The following CSMD1 variants were observed in gnomAD, a reference collection of about 807,000 sequenced individuals.
CSMD1 encodes the protein CUB and Sushi multiple domains 1.
CSMD1 carries 213 observed loss-of-function variants against 417.5 expected under a neutral mutation model. The ratio of observed to expected loss-of-function variants is 0.51; its 90% CI spans 0.46 to 0.57. The LOEUF (loss-of-function observed/expected upper bound fraction) is 0.57. Ranked by LOEUF, CSMD1 falls within the 20% of genes least tolerant of loss-of-function variation. The pLI is 0.00. For synonymous variants in CSMD1, 2,862 were observed against 1,736.8 expected (o/e 1.65, Z -16.11); for missense variants, 6,923 against 4,529.7 (o/e 1.53, Z -15.17).
At chr8:4,977,147 G>A (rs1810607500) in intron 1 of CSMD1, among the ~76,000 whole-genome samples, 1 of 152,182 alleles carries the variant, frequency 6.6e-6, no homozygotes, top group East Asian at 1.9e-4. Flanking sequence ...CTATAGTAAT[G>A]ATCATTTGTT....
intron 47 of CSMD1, 33 bp downstream of exon 47, chr8:3,096,816 G>C (rs1167602617): frequency 2.2e-6 from 3 of 1,345,702 alleles, no homozygotes; most frequent in Non-Finnish European, 3.1e-6. Context: ...ATGATGCCGA[G>C]GTCACTGCTC....
intron 6 of CSMD1, among the ~76,000 whole-genome samples, chr8:3,720,119 A>C (rs1374121474): frequency 6.6e-6 from 1 of 152,216 alleles, no homozygotes; most frequent in Non-Finnish European, 1.5e-5. Context: ...GTGGAATGTT[A>C]ATGCAACTCT....
chr8:3,637,455 G>T (rs935553782), intron 7 of CSMD1, among the ~76,000 whole-genome samples: 1 of 151,986 alleles, frequency 6.6e-6, no homozygotes, highest in Non-Finnish European at 1.5e-5. Context: ...ATTTGATAAG[G>T]TAATATGACC....
chr8:3,789,403 A>G (rs201060626), intron 5 of CSMD1, among the ~76,000 whole-genome samples: 1 of 22,040 alleles, frequency 4.5e-5, no homozygotes, highest in African/African-American at 9.8e-5. Context: ...TTTTTTTTTA[A>G]GTAAGTTTTT....
rs146228653 is a variant in CSMD1 at position 3,599,711 on chromosome 8, C to A, written c.1098-13451G>T. On this transcript the variant is annotated intron_variant, in intron 8 of 69. Coordinates refer to ENST00000635120, the MANE Select transcript of CSMD1 (RefSeq NM_033225.6). ...TTTTCCTTTGAGTATCTGCTGCATG[C>A]CCAGATTGGCGCCAACCTATACCTT... Among the ~76,000 whole-genome samples, 313 of 152,330 alleles carry A rather than the reference C, an allele frequency of 2.1e-3. 1 individual carries two copies. The highest frequency in any genetic ancestry group is 7.2e-3 in the African/African-American group (301 of 41,568).
intron 3 of CSMD1, among the ~76,000 whole-genome samples, chr8:4,261,277 C>T (rs1302729104): frequency 6.6e-6 from 1 of 152,080 alleles, no homozygotes; most frequent in South Asian, 2.1e-4. Context: ...CTTCTCTTTC[C>T]TTTTTGTTTC....
chr8:4,166,174 C>T (rs1167751890), intron 3 of CSMD1, among the ~76,000 whole-genome samples: 1 of 152,128 alleles, frequency 6.6e-6, no homozygotes, highest in African/African-American at 2.4e-5. Context: ...TAGTAGTCTA[C>T]TTGAAAAGCA....
chr8:4,298,673 A>AT (rs1414231678), intron 3 of CSMD1, among the ~76,000 whole-genome samples: 4 of 152,106 alleles, frequency 2.6e-5, no homozygotes, highest in Non-Finnish European at 4.4e-5. Flanking sequence ...AAGTTATTTC[A>AT]TTTTCATTTA....
intron 54 of CSMD1, among the ~76,000 whole-genome samples, chr8:2,995,305 G>A (rs115347372): frequency 0.022 from 3,340 of 152,200 alleles, 96 homozygotes; most frequent in African/African-American, 0.062. Flanking sequence ...TACTCACGTC[G>A]TTAGCCATCA....
intron 48 of CSMD1, among the ~76,000 whole-genome samples, chr8:3,089,257 A>C (rs1248999761): frequency 6.6e-6 from 1 of 152,236 alleles, no homozygotes; most frequent in Non-Finnish European, 1.5e-5. Context: ...GTGAGAGAAG[A>C]CTGGGACAGG....
At chr8:4,894,447 G>T (rs1246320325) in intron 1 of CSMD1, among the ~76,000 whole-genome samples, 1 of 151,450 alleles carries the variant, frequency 6.6e-6, no homozygotes, top group African/African-American at 2.4e-5. Flanking sequence ...GAGCTGCTTG[G>T]GAGGCTGAGG....
intron 7 of CSMD1, among the ~76,000 whole-genome samples, chr8:3,629,158 T>C (rs993275904): frequency 6.6e-6 from 1 of 151,188 alleles, no homozygotes; most frequent in African/African-American, 2.4e-5. Context: ...GAACCCGGGA[T>C]GTTCGCAGGA....
chr8:4,037,726 G>A (rs1439679364), intron 3 of CSMD1, among the ~76,000 whole-genome samples: 1 of 152,096 alleles, frequency 6.6e-6, no homozygotes, highest in Non-Finnish European at 1.5e-5. Context: ...CCAAATATCT[G>A]TTCTTTATGA....
chr8:4,964,667 T>C (rs1286257096), intron 1 of CSMD1, among the ~76,000 whole-genome samples: 2 of 152,106 alleles, frequency 1.3e-5, no homozygotes, highest in East Asian at 1.9e-4. Context: ...TAAAATCTTC[T>C]CAGAGATTCT....
rs201704355 is a variant in CSMD1, at chr8:4,269,269, C to G, written c.415+150684G>C. Among the ~76,000 whole-genome samples the G allele has an allele frequency of 5.3e-5, 8 of 152,236 alleles. No individual in the cohort carries two copies. The East Asian group carries it at 1.4e-3, about 26-fold the overall frequency. On this transcript the variant is annotated intron_variant, in intron 3 of 69. Transcript: ENST00000635120. ...ATGAGGTTTCACCATGTTGCCCAGGCTGGTCTTGAACCTCCAACTCTTGAT... is the reference window on the plus strand; with the variant it reads ...ATGAGGTTTCACCATGTTGCCCAGGGTGGTCTTGAACCTCCAACTCTTGAT...
At chr8:4,378,117 C>T (rs531107473) in intron 3 of CSMD1, among the ~76,000 whole-genome samples, 42 of 152,276 alleles carry the variant, frequency 2.8e-4, no homozygotes, top group Non-Finnish European at 5.3e-4. Context: ...CCAAATTTTA[C>T]GGGTGGCATG....
At chr8:4,252,903 C>G (rs535967926) in intron 3 of CSMD1, among the ~76,000 whole-genome samples, 2 of 152,170 alleles carry the variant, frequency 1.3e-5, no homozygotes, top group South Asian at 2.1e-4. Context: ...TTGTTCATGA[C>G]CAACTTAAGT....
intron 1 of CSMD1, among the ~76,000 whole-genome samples, chr8:4,839,525 G>A (rs767041616): frequency 1.3e-5 from 2 of 152,114 alleles, no homozygotes; most frequent in African/African-American, 2.4e-5. Context: ...GGCTCTGGGA[G>A]CAATTTCTTT....
intron 7 of CSMD1, among the ~76,000 whole-genome samples, chr8:3,630,610 T>G (rs1043855702): frequency 6.6e-6 from 1 of 152,134 alleles, no homozygotes; most frequent in Non-Finnish European, 1.5e-5. Context: ...GGTGAAGTGT[T>G]GGGCTGGCAT....
Sources: allele counts gnomAD v4.1 joint callset (sites outside exome capture counted in the v4.1 genomes callset), GRCh38; gene constraint gnomAD v4.1.1; transcripts MANE v1.5; gene names NCBI Gene and HGNC (gene_info 2026-07-23, HGNC 2026-07-21).